The following PLB1 variants were observed in gnomAD, a reference collection of about 807,000 sequenced individuals.
The protein encoded by PLB1 is phospholipase B1.
PLB1 carries 242 observed loss-of-function variants against 227.4 expected under a neutral mutation model. That is an observed-to-expected ratio of 1.06 (90% CI 0.96 to 1.18). PLB1 has a LOEUF of 1.18. Among genes scored for constraint, PLB1 ranks in the 50% most tolerant of loss-of-function variants. The probability of loss-of-function intolerance (pLI) is 0.00; values close to 1 mark genes in which losing one functional copy is unlikely to be tolerated. For missense variants in PLB1, 1,858 were observed against 1,816.3 expected (o/e 1.02, Z -0.42); for synonymous variants, 757 against 682.2 (o/e 1.11, Z -1.71).
chr2:28,591,594 A>G, intron 30 of PLB1, 106 bp from the exon 31 acceptor site: 10 of 1,191,608 alleles, frequency 8.4e-6, no homozygotes, highest in Non-Finnish European at 1.2e-5. Flanking sequence ...CCCTAGGAGT[A>G]GGACCCAGGA....
chr2:28,552,549 A>G, intron 16 of PLB1, among the ~76,000 whole-genome samples: 1 of 152,254 alleles, frequency 6.6e-6, no homozygotes, highest in African/African-American at 2.4e-5. Context: ...CCCTGCCTTC[A>G]TTGAGAACTT....
chr2:28,601,038 C>A (rs1558884052), intron 36 of PLB1, among the ~76,000 whole-genome samples, 178 bp downstream of exon 36: 1 of 138,372 alleles, frequency 7.2e-6, no homozygotes, highest in African/African-American at 3.5e-5. Context: ...ATGGAGAGAG[C>A]TTTGTTGCTG....
At chr2:28,515,976 T>TGCCTGA (rs1208425192) in intron 1 of PLB1, among the ~76,000 whole-genome samples, 1 of 152,330 alleles carries the variant, frequency 6.6e-6, no homozygotes, top group East Asian at 1.9e-4. Flanking sequence ...ATAAAACATG[T>TGCCTGA]GCCTGACTAT....
rs1470322682 is a variant in PLB1 at position 28,642,884 on chromosome 2, G to A, written c.4200G>A (p.Arg1400=). The A allele has an allele frequency of 6.2e-7, 1 of 1,605,758 alleles. No homozygotes were observed. Among genetic ancestry groups the A allele is most frequent in the Non-Finnish European group, 8.5e-7 (1 of 1,176,024 alleles). The change falls in exon 58 of 58, where the codon CGG becomes CGA. Residue 1400 remains arginine (R), a synonymous_variant. Transcript: ENST00000327757. The part of the protein sequence containing the change: ...SPESPYLYTL[R]NSRLLPDQAE... ...AGAGCCCTTACCTCTACACCCTGCGGAACAGCCGATTGCTCCCAGACCAGG... is the reference window on the plus strand; with the variant it reads ...AGAGCCCTTACCTCTACACCCTGCGAAACAGCCGATTGCTCCCAGACCAGG...
At chr2:28,615,008 G>A (rs145687178) in intron 44 of PLB1, among the ~76,000 whole-genome samples, 116 of 152,304 alleles carry the variant, frequency 7.6e-4, no homozygotes, top group African/African-American at 2.6e-3. Flanking sequence ...TCTGAGGAGC[G>A]TGATGGGGCT....
At chr2:28,612,290 C>T (rs906902332) in intron 43 of PLB1, among the ~76,000 whole-genome samples, 2 of 152,222 alleles carry the variant, frequency 1.3e-5, no homozygotes, top group East Asian at 1.9e-4. Flanking sequence ...GGACTCTGTC[C>T]TCCCAGTCGC....
chr2:28,496,094 A>C lies in PLB1; in HGVS notation c.-21A>C, dbSNP rs1666397465. The stretch of plus-strand genomic sequence containing the variant: ...CTGGAGCAGCTCTTCCAGAGGCCCG[A>C]GTCACCTGGAGCATTCTGGCATGGG... On this transcript the variant is annotated 5_prime_UTR_variant, in exon 1 of 58. Transcript: ENST00000327757. 6.2e-7 allele frequency: 1 copy of C among 1,613,356 alleles called. No individual in the cohort carries two copies. Among genetic ancestry groups the C allele is most frequent in the Non-Finnish European group, 8.5e-7 (1 of 1,179,522 alleles).
chr2:28,634,918 A>AAAT (rs1573593064), intron 56 of PLB1, among the ~76,000 whole-genome samples: 2 of 151,952 alleles, frequency 1.3e-5, no homozygotes, highest in East Asian at 3.8e-4. Context: ...CTCAAAAAAC[A>AAAT]AATAGAAAAA....
At chr2:28,578,917 T>C (rs1242666250) in intron 22 of PLB1, among the ~76,000 whole-genome samples, 2 of 149,806 alleles carry the variant, frequency 1.3e-5, no homozygotes, top group Non-Finnish European at 3.0e-5. Flanking sequence ...AGCAAAGCTA[T>C]GTAGGCCTGG....
chr2:28,582,260 G>A (rs1046265398), intron 24 of PLB1, 127 bp downstream of exon 24: 18 of 1,231,376 alleles, frequency 1.5e-5, no homozygotes, highest in South Asian at 6.4e-5. Context: ...AATGCATAGA[G>A]GGGGAGCAGG....
In PLB1 at chr2:28,604,639, G is replaced by A. The variant is rs1231484930; in HGVS notation, c.2857-16G>A. 6.2e-7 allele frequency: 1 copy of A among 1,611,928 alleles called. No homozygotes were observed. The highest frequency in any genetic ancestry group is 2.2e-5 in the East Asian group (1 of 44,824). ...ACCCAGGGCCTGGGCTGAAGACCCTGTGCATGTGTCCCCAGAGCAGCATGC... is the reference window on the plus strand; with the variant it reads ...ACCCAGGGCCTGGGCTGAAGACCCTATGCATGTGTCCCCAGAGCAGCATGC... On this transcript the variant is annotated splice_polypyrimidine_tract_variant and intron_variant, in intron 40 of 57. Transcript: ENST00000327757.
intron 33 of PLB1, chr2:28,596,012 C>A (rs568065952): frequency 5.9e-5 from 9 of 152,150 alleles, no homozygotes; most frequent in Admixed American, 2.0e-4. Flanking sequence ...GAAATAAGTT[C>A]GCTTGTTTGG....
At position 28,578,131 on chromosome 2, in the gene PLB1, GC is replaced by G; in HGVS notation, c.1459del (p.Leu487TrpfsTer4). On this transcript the variant is annotated frameshift_variant, in exon 22 of 58. Transcript: ENST00000327757. LOFTEE classifies it high-confidence loss of function. ...GGGATCTACCTGTCCAGGCCAGGAGGCTGGTGGACCTGATGAAGAATGACAC... is the reference window on the plus strand; with the variant it reads ...GGGATCTACCTGTCCAGGCCAGGAGGTGGTGGACCTGATGAAGAATGACAC... ...AEDLPVQARR[L>X]VDLMKNDTRI... 1 of 1,614,178 alleles carries G rather than the reference GC, an allele frequency of 6.2e-7. No homozygotes were observed. Among genetic ancestry groups the G allele is most frequent in the Non-Finnish European group, 8.5e-7 (1 of 1,180,012 alleles).
chr2:28,635,973 T>C (rs1302219937), intron 56 of PLB1, among the ~76,000 whole-genome samples: 1 of 152,048 alleles, frequency 6.6e-6, no homozygotes, highest in Non-Finnish European at 1.5e-5. Flanking sequence ...ATTAGAATCA[T>C]TCAGGGACAT....
intron 12 of PLB1, 145 bp from the exon 13 acceptor site, chr2:28,541,562 C>G: frequency 1.6e-6 from 1 of 621,068 alleles, no homozygotes; most frequent in South Asian, 1.9e-5. Context: ...AAGGGTGAGA[C>G]AAGAGGGAGC....
chr2:28,501,541 CA>C (rs1429356070), intron 1 of PLB1, among the ~76,000 whole-genome samples: 1 of 152,084 alleles, frequency 6.6e-6, no homozygotes, highest in Non-Finnish European at 1.5e-5. Context: ...ATATATAAAA[CA>C]TTAACATTGT....
chr2:28,582,433 C>T lies in PLB1; in HGVS notation c.1661C>T (p.Thr554Met), dbSNP rs142456971. 106 of 1,613,246 alleles carry T rather than the reference C, an allele frequency of 6.6e-5. 2 individuals carry two copies. In the East Asian group the frequency reaches 7.6e-4, roughly 12 times the overall value. Residue 554 changes from threonine (T) to methionine (M), a missense_variant, in exon 25 of 58, where the codon ACG becomes ATG. Thr to Met is a moderately conservative substitution (Grantham distance 81). Coordinates refer to ENST00000327757, the MANE Select transcript of PLB1 (RefSeq NM_153021.5). Reference protein sequence around the residue: ...EVPRAFVNLVTVLEIVNLREL... With the variant: ...EVPRAFVNLVMVLEIVNLREL... ...CCTCGGGCATTTGTGAACCTGGTGA[C>T]GGTGCTTGAGATCGTCAACCTGAGG...
intron 14 of PLB1, among the ~76,000 whole-genome samples, chr2:28,543,677 T>G (rs1672823037): frequency 6.6e-6 from 1 of 152,258 alleles, no homozygotes; most frequent in African/African-American, 2.4e-5. Context: ...GGAACAAGCG[T>G]GGGCTGCAGC....
Position 28,589,573 on chromosome 2 carries a change from G to T in PLB1, c.1920+19G>T, listed in dbSNP as rs371190051. 1 of 1,612,942 alleles carries T rather than the reference G, an allele frequency of 6.2e-7. No individual in the cohort carries two copies. Among genetic ancestry groups the T allele is most frequent in the South Asian group, 1.1e-5 (1 of 91,048 alleles). On this transcript the variant is annotated intron_variant, in intron 27 of 57. Transcript: ENST00000327757. ...GACCTCGGTAAAGAAAGCAAGCATC[G>T]TAGAAAAATAGAATCCACAGATAGT... is the stretch of plus-strand genomic sequence containing the variant.
Sources: gnomAD v4.1 joint callset for allele counts (sites outside exome capture counted in the v4.1 genomes callset) on GRCh38, gnomAD v4.1.1 for gene constraint, MANE v1.5 for transcripts, NCBI Gene and HGNC (gene_info 2026-07-23, HGNC 2026-07-21) for gene names.